The following ARHGEF39 variants were observed in gnomAD, a reference collection of about 807,000 sequenced individuals.
The protein encoded by ARHGEF39 is Rho guanine nucleotide exchange factor (GEF) 39.
ARHGEF39 carries 45 observed loss-of-function variants against 47.5 expected under a neutral mutation model. That is an observed-to-expected ratio of 0.95 (90% CI 0.75 to 1.22). The LOEUF is 1.22. Ranked by LOEUF, ARHGEF39 falls within the 50% of genes most tolerant of loss-of-function variation. The pLI, the probability that ARHGEF39 is intolerant of heterozygous loss-of-function variation, is 0.00. For missense variants in ARHGEF39, 411 were observed against 425.3 expected (o/e 0.97, Z 0.30); for synonymous variants, 164 against 167.8 (o/e 0.98, Z 0.17).
chr9:35,660,322 T>C lies in ARHGEF39; in HGVS notation c.*1665A>G, dbSNP rs145508148. ...TGTCTCCATCTCAAATTGCACTCTC[T>C]CTTGGCTGGCTCTGGAGACTGAGGT... is the stretch of plus-strand genomic sequence containing the variant. On this transcript the variant is annotated 3_prime_UTR_variant, in exon 9 of 9. Coordinates refer to ENST00000378387, the MANE Select transcript of ARHGEF39 (RefSeq NM_032818.3). 3,846 of 1,278,104 alleles carry C rather than the reference T, an allele frequency of 3.0e-3. 13 individuals carry two copies. The highest frequency in any genetic ancestry group is 3.7e-3 in the Non-Finnish European group (3,405 of 916,604). 79.2% of individuals were successfully genotyped at this position (1,278,104 alleles called of 1,614,324 possible).
At position 35,660,798 on chromosome 9, in the gene ARHGEF39, A is replaced by T. The variant is rs1170103064; in HGVS notation, c.*1189T>A. On this transcript the variant is annotated 3_prime_UTR_variant, in exon 9 of 9. Transcript: ENST00000378387. ...GGAGCTTCTGAACATGAAGCTATGG[A>T]CCATCCACGAGCTGCTGCAAGATAG... is the stretch of plus-strand genomic sequence containing the variant. The T allele has an allele frequency of 1.9e-6, 3 of 1,614,166 alleles. No homozygotes were observed. In the Admixed American group the frequency reaches 5.0e-5, roughly 27 times the overall value.
intron 5 of ARHGEF39, 91 bp downstream of exon 5, chr9:35,663,231 G>T (rs10814266): frequency 7.7e-6 from 12 of 1,556,314 alleles, no homozygotes; most frequent in Non-Finnish European, 9.8e-6. Flanking sequence ...GTGGAAGATA[G>T]GGTCATACCA....
chr9:35,662,293 A>G (rs1209989975), intron 7 of ARHGEF39, 26 bp from the exon 8 acceptor site: 7 of 1,599,642 alleles, frequency 4.4e-6, no homozygotes, highest in Non-Finnish European at 6.0e-6. Context: ...CTCTTAGCGC[A>G]TGGCTCAGAA....
At position 35,660,936 on chromosome 9, in the gene ARHGEF39, A is replaced by G; in HGVS notation, c.*1051T>C. ...TGGAACATTCCTGATCTCTCCCCAC[A>G]CAGAGGCCAGCAGACCTCTTCCTGA... On this transcript the variant is annotated 3_prime_UTR_variant, in exon 9 of 9. Transcript: ENST00000378387. The G allele has an allele frequency of 6.2e-7, 1 of 1,614,218 alleles. No homozygotes were observed. The highest frequency in any genetic ancestry group is 8.5e-7 in the Non-Finnish European group (1 of 1,180,044).
At chr9:35,664,613 G>A in intron 2 of ARHGEF39, 121 bp from the exon 3 acceptor site, 1 of 1,484,096 alleles carries the variant, frequency 6.7e-7, no homozygotes, top group East Asian at 2.3e-5. Context: ...TGGAGAACAA[G>A]GGCATGCTAA....
In ARHGEF39 at chr9:35,660,326, G is replaced by A; in HGVS notation, c.*1661C>T. ...TCCATCTCAAATTGCACTCTCTCTT[G>A]GCTGGCTCTGGAGACTGAGGTGATG... On this transcript the variant is annotated 3_prime_UTR_variant, in exon 9 of 9. Coordinates refer to ENST00000378387, the MANE Select transcript of ARHGEF39 (RefSeq NM_032818.3). 7.7e-7 allele frequency: 1 copy of A among 1,303,090 alleles called. No individual in the cohort carries two copies. Among genetic ancestry groups the A allele is most frequent in the South Asian group, 1.4e-5 (1 of 70,628 alleles). 80.7% of individuals were successfully genotyped at this position (1,303,090 alleles called of 1,614,324 possible).
rs760576729 is a variant in ARHGEF39, at chr9:35,660,647, G to A, written c.*1340C>T. ...GCCCAGCTGGACCCCCTTTTTGAGC[G>A]GTGAGGAGAGCAATGATTCTGTGAA... On this transcript the variant is annotated 3_prime_UTR_variant, in exon 9 of 9. Coordinates refer to ENST00000378387, the MANE Select transcript of ARHGEF39 (RefSeq NM_032818.3). 1.3e-5 allele frequency: 21 copies of A among 1,614,022 alleles called. 1 individual carries two copies. The highest frequency in any genetic ancestry group is 6.7e-5 in the Admixed American group (4 of 60,008).
Position 35,661,851 on chromosome 9 carries a change from T to C in ARHGEF39, c.*136A>G. 1.9e-6 allele frequency: 2 copies of C among 1,067,184 alleles called. No individual in the cohort carries two copies. Among genetic ancestry groups the C allele is most frequent in the Non-Finnish European group, 2.7e-6 (2 of 729,348 alleles). The allele number at this position is 1,067,184 out of a possible 1,614,324, so 66.1% of individuals were successfully genotyped here. On this transcript the variant is annotated 3_prime_UTR_variant, in exon 9 of 9. Transcript: ENST00000378387. The stretch of plus-strand genomic sequence containing the variant: ...AGTTGGTCAGATGATCTGGAGTAGC[T>C]TGGTCCAGGCAAACAGAAAGTGACC...
At chr9:35,662,146 A>G in intron 8 of ARHGEF39, 33 bp downstream of exon 8, 1 of 1,609,380 alleles carries the variant, frequency 6.2e-7, no homozygotes, top group Non-Finnish European at 8.5e-7. Context: ...GGGCCTCATC[A>G]CAGCACCCTT....
intron 5 of ARHGEF39, 45 bp downstream of exon 5, chr9:35,663,277 G>A (rs1824068822): frequency 6.2e-7 from 1 of 1,600,316 alleles, no homozygotes; most frequent in Non-Finnish European, 8.6e-7. Flanking sequence ...AAGGAATACA[G>A]GAGAGGAAGC....
intron 5 of ARHGEF39, 46 bp downstream of exon 5, chr9:35,663,276 A>C (rs777850587): frequency 6.3e-7 from 1 of 1,598,274 alleles, no homozygotes; most frequent in South Asian, 1.1e-5. Context: ...AAAGGAATAC[A>C]GGAGAGGAAG....
In ARHGEF39 at chr9:35,663,891, A is replaced by G. The variant is rs537647364; in HGVS notation, c.473+117T>C. 1.1e-4 allele frequency: 124 copies of G among 1,096,818 alleles called. No individual in the cohort carries two copies. The African/African-American group carries it at 1.7e-3, about 15-fold the overall frequency. The allele number at this position is 1,096,818 out of a possible 1,614,324, so 67.9% of individuals were successfully genotyped here. On this transcript the variant is annotated intron_variant, in intron 4 of 8. Coordinates refer to ENST00000378387, the MANE Select transcript of ARHGEF39 (RefSeq NM_032818.3). The stretch of plus-strand genomic sequence containing the variant: ...CTCTTGCAAAAGGTTTTTAGAAGCA[A>G]TTTGGCTCAGGGTCGAGGCAAGAGT...
Position 35,665,173 on chromosome 9 carries a change from C to A in ARHGEF39, c.-4G>T. 2 of 1,479,814 alleles carry A rather than the reference C, an allele frequency of 1.4e-6. No homozygotes were observed. Among genetic ancestry groups the A allele is most frequent in the African/African-American group, 1.4e-5 (1 of 69,906 alleles). The allele number at this position is 1,479,814 out of a possible 1,614,324, so 91.7% of individuals were successfully genotyped here. On this transcript the variant is annotated 5_prime_UTR_variant, in exon 1 of 9. It adds an upstream start codon to the 5' untranslated region. Transcript: ENST00000378387. ...AACCGGGGCAGGAGAGCTCCATGCC[C>A]TGGCTGAGGGATCGACACTTCCGGC...
chr9:35,661,062 T>C lies in ARHGEF39; in HGVS notation c.*925A>G, dbSNP rs1293950314. 6.2e-7 allele frequency: 1 copy of C among 1,613,992 alleles called. No individual in the cohort carries two copies. The highest frequency in any genetic ancestry group is 2.2e-5 in the East Asian group (1 of 44,896). On this transcript the variant is annotated 3_prime_UTR_variant, in exon 9 of 9. Coordinates refer to ENST00000378387, the MANE Select transcript of ARHGEF39 (RefSeq NM_032818.3). Reference sequence around the variant, plus strand: ...AGAGACATGGAACCTAGCTACTTCCTGGGAGGTGGGGCGGGGACTACGGAG... The same window carrying C: ...AGAGACATGGAACCTAGCTACTTCCCGGGAGGTGGGGCGGGGACTACGGAG...
In ARHGEF39 at chr9:35,664,391, C is replaced by A. The variant is rs139646420; in HGVS notation, c.335G>T (p.Arg112Met). ...GGTTACCTGCAGGGTGGTCTGGGAC[C>A]TCTCTGAGTTGGCAGCAAATTGGTT... ...LYNQFAANSE[R>M]SQTTLQEQLK... The change falls in exon 3 of 9, where the codon AGG becomes ATG. Residue 112 changes from arginine (R) to methionine (M), a missense_variant. Arg to Met is a moderately conservative substitution (Grantham distance 91). Coordinates refer to ENST00000378387, the MANE Select transcript of ARHGEF39 (RefSeq NM_032818.3). The A allele has an allele frequency of 1.6e-4, 252 of 1,612,166 alleles. 4 individuals are homozygous for A. In the African/African-American group the frequency reaches 2.9e-3, roughly 19 times the overall value.
Position 35,665,091 on chromosome 9 carries a change from C to G in ARHGEF39, c.79G>C (p.Ala27Pro). The G allele has an allele frequency of 6.4e-7, 1 of 1,552,864 alleles. No individual in the cohort carries two copies. Reference protein sequence around the residue: ...ARWERKRACTARELLETERRY... With the variant: ...ARWERKRACTPRELLETERRY... The stretch of plus-strand genomic sequence containing the variant: ...CGCTCGGTCTCTAGCAGCTCCCGGG[C>G]GGTGCAGGCGCGTTTCCGCTCCCAG... The change falls in exon 1 of 9, where the codon GCC (alanine) becomes CCC (proline). Residue 27 changes from alanine to proline, a missense_variant. By Grantham distance (27) the Ala-to-Pro change is conservative. Transcript: ENST00000378387.
At position 35,665,180 on chromosome 9, in the gene ARHGEF39, A is replaced by G; in HGVS notation, c.-11T>C. On this transcript the variant is annotated 5_prime_UTR_variant, in exon 1 of 9. Coordinates refer to ENST00000378387, the MANE Select transcript of ARHGEF39 (RefSeq NM_032818.3). ...GCAGGAGAGCTCCATGCCCTGGCTG[A>G]GGGATCGACACTTCCGGCTGCAGTC... The G allele has an allele frequency of 6.8e-7, 1 of 1,468,678 alleles. No individual in the cohort carries two copies. Among genetic ancestry groups the G allele is most frequent in the African/African-American group, 1.4e-5 (1 of 69,270 alleles). 91.0% of individuals were successfully genotyped at this position (1,468,678 alleles called of 1,614,324 possible). A position where few individuals can be genotyped will look rare whatever the true frequency, so the allele number is the denominator to read the frequency against.
chr9:35,662,333 G>A, intron 7 of ARHGEF39, 66 bp from the exon 8 acceptor site: 2 of 1,518,164 alleles, frequency 1.3e-6, no homozygotes, highest in Non-Finnish European at 1.8e-6. Flanking sequence ...AGCCCTTGCT[G>A]TTTCCATGGA....
chr9:35,665,190 A>G lies in ARHGEF39; in HGVS notation c.-21T>C, dbSNP rs1395597810. The G allele has an allele frequency of 4.1e-6, 6 of 1,457,028 alleles. No individual in the cohort carries two copies. The highest frequency in any genetic ancestry group is 5.4e-6 in the Non-Finnish European group (6 of 1,101,834). 90.3% of individuals were successfully genotyped at this position (1,457,028 alleles called of 1,614,324 possible). ...TCCATGCCCTGGCTGAGGGATCGAC[A>G]CTTCCGGCTGCAGTCCGCGGCAGAT... is the stretch of plus-strand genomic sequence containing the variant. On this transcript the variant is annotated 5_prime_UTR_variant, in exon 1 of 9. Coordinates refer to ENST00000378387, the MANE Select transcript of ARHGEF39 (RefSeq NM_032818.3).
Sources: gnomAD v4.1 joint callset for allele counts on GRCh38, gnomAD v4.1.1 for gene constraint, MANE v1.5 for transcripts, NCBI Gene and HGNC (gene_info 2026-07-23, HGNC 2026-07-21) for gene names.